The following RIBC2 variants were observed in gnomAD, a reference collection of about 807,000 sequenced individuals.
The protein encoded by RIBC2 is RIB43A domain with coiled-coils 2, also known as RIB43A-like with coiled-coils protein 2.
Under a neutral mutation model 44.3 loss-of-function variants are expected in RIBC2, and 40 were observed. That is an observed-to-expected ratio of 0.90 (90% CI 0.70 to 1.18). The LOEUF is 1.18. Ranked by LOEUF, RIBC2 falls within the 50% of genes most tolerant of loss-of-function variation. The pLI is 0.00. For synonymous variants in RIBC2, 171 were observed against 175.0 expected (o/e 0.98, Z 0.18); for missense variants, 459 against 485.5 (o/e 0.95, Z 0.51).
At chr22:45,426,224 C>G (rs1229408706) in intron 5 of RIBC2, 49 bp downstream of exon 5, 1 of 1,482,158 alleles carries the variant, frequency 6.7e-7, no homozygotes, top group African/African-American at 1.4e-5. Flanking sequence ...AGGCTCTTTG[C>G]TCCCACTGCC....
chr22:45,430,758 C>T, intron 5 of RIBC2, 142 bp from the exon 6 acceptor site: 2 of 1,068,154 alleles, frequency 1.9e-6, no homozygotes, highest in Middle Eastern at 3.2e-4. Flanking sequence ...TGGCTTCCTG[C>T]ATGACATCGG....
chr22:45,413,978 A>C lies in RIBC2; in HGVS notation c.92A>C (p.Gln31Pro). The C allele has an allele frequency of 1.9e-6, 3 of 1,551,772 alleles. No individual in the cohort carries two copies. The highest frequency in any genetic ancestry group is 2.6e-6 in the Non-Finnish European group (3 of 1,146,994). ...AKRRHAELCR[Q>P]KRVFNARNRI... ...AGGAGGCACGCGGAGCTGTGCAGGC[A>C]GAAGCGGGTCTTCAACGCCAGAAAC... is the stretch of plus-strand genomic sequence containing the variant. The change falls in exon 1 of 7, where the codon CAG becomes CCG. Residue 31 changes from glutamine (Q) to proline (P), a missense_variant. Transcript: ENST00000614167.
intron 5 of RIBC2, among the ~76,000 whole-genome samples, chr22:45,426,665 C>G (rs2087537347): frequency 6.6e-6 from 1 of 152,120 alleles, no homozygotes; most frequent in African/African-American, 2.4e-5. Context: ...GGGAACTCTG[C>G]AGGGTTTTGG....
intron 5 of RIBC2, among the ~76,000 whole-genome samples, chr22:45,429,880 G>T (rs370553220): frequency 6.6e-6 from 1 of 152,184 alleles, no homozygotes; most frequent in Non-Finnish European, 1.5e-5. Flanking sequence ...ACTACTGCCC[G>T]CTTCCTTTCT....
intron 4 of RIBC2, 73 bp downstream of exon 4, chr22:45,422,481 T>A: frequency 9.2e-7 from 1 of 1,089,988 alleles, no homozygotes; most frequent in South Asian, 1.3e-5. Context: ...CCCAAGGCTC[T>A]CCGGCTTCCC....
chr22:45,425,867 C>T, intron 4 of RIBC2, 81 bp from the exon 5 acceptor site: 1 of 1,214,652 alleles, frequency 8.2e-7, no homozygotes, highest in Non-Finnish European at 1.2e-6. Flanking sequence ...TCGAGGGCCC[C>T]CAGTGAGATT....
At position 45,431,000 on chromosome 22, in the gene RIBC2, G is replaced by A. The variant is rs2072770; in HGVS notation, c.1004G>A (p.Arg335Gln). ...CTGTTTGAGCGGCAGCAGTGGCGGC[G>A]GCAGCGCGACCTGCGCAGAGCTCTG... is the stretch of plus-strand genomic sequence containing the variant. ...TLLFERQQWR[R>Q]QRDLRRALDS... The change falls in exon 6 of 7, where the codon CGG (arginine) becomes CAG (glutamine). Residue 335 changes from arginine to glutamine, a missense_variant. By Grantham distance (43) the Arg-to-Gln change is conservative. Transcript: ENST00000614167. The A allele has an allele frequency of 0.52, 828,594 of 1,594,652 alleles. 224,322 individuals are homozygous for A. The highest frequency in any genetic ancestry group is 0.89 in the African/African-American group (66,212 of 74,338).
chr22:45,415,621 AT>A (rs2087417520), intron 2 of RIBC2, among the ~76,000 whole-genome samples: 1 of 136,528 alleles, frequency 7.3e-6, no homozygotes. Context: ...ATATATATAT[AT>A]ATAACAACAC....
chr22:45,414,335 C>T lies in RIBC2; in HGVS notation c.143C>T (p.Ala48Val), dbSNP rs1334951078. ...RNRIIGGDTE[A>V]WDVQVHDQKI... Reference sequence around the variant, plus strand: ...TTCCATTTATAGGGAGACACTGAAGCCTGGGATGTTCAAGTTCATGACCAG... The same window carrying T: ...TTCCATTTATAGGGAGACACTGAAGTCTGGGATGTTCAAGTTCATGACCAG... The change falls in exon 2 of 7, where the codon GCC (alanine) becomes GTC (valine). Residue 48 changes from alanine to valine, a missense_variant. Coordinates refer to ENST00000614167, the MANE Select transcript of RIBC2 (RefSeq NM_015653.5). 1 of 1,550,926 alleles carries T rather than the reference C, an allele frequency of 6.4e-7. No individual in the cohort carries two copies. The highest frequency in any genetic ancestry group is 2.4e-5 in the East Asian group (1 of 40,910).
intron 6 of RIBC2, among the ~76,000 whole-genome samples, chr22:45,431,613 A>G (rs2087581304): frequency 6.6e-6 from 1 of 152,094 alleles, no homozygotes; most frequent in Non-Finnish European, 1.5e-5. Flanking sequence ...CTCCAATCCG[A>G]TATCTGGTTG....
chr22:45,415,359 T>C (rs1171120896), intron 2 of RIBC2, among the ~76,000 whole-genome samples: 1 of 152,058 alleles, frequency 6.6e-6, no homozygotes, highest in Non-Finnish European at 1.5e-5. Flanking sequence ...TATGCCAAAA[T>C]GTTAGCAGGG....
intron 6 of RIBC2, among the ~76,000 whole-genome samples, chr22:45,431,987 G>T (rs1387122984): frequency 2.0e-5 from 3 of 152,048 alleles, no homozygotes; most frequent in South Asian, 2.1e-4. Context: ...AACAAGAAAA[G>T]AATGATCTGA....
chr22:45,431,692 GGGCTCGGT>G, intron 6 of RIBC2, among the ~76,000 whole-genome samples: 1 of 152,240 alleles, frequency 6.6e-6, no homozygotes, highest in Non-Finnish European at 1.5e-5. Flanking sequence ...TCTGAGGGCT[GGGCTCGGT>G]GGCTCACGCC....
At chr22:45,415,199 G>GAAA (rs10587079) in intron 2 of RIBC2, among the ~76,000 whole-genome samples, 1 of 126,816 alleles carries the variant, frequency 7.9e-6, no homozygotes, top group Non-Finnish European at 1.7e-5. Context: ...AAAATAAATT[G>GAAA]AAAAAAAAAA....
At chr22:45,417,153 G>T (rs1270853877) in intron 2 of RIBC2, among the ~76,000 whole-genome samples, 2 of 151,960 alleles carry the variant, frequency 1.3e-5, no homozygotes, top group African/African-American at 4.8e-5. Flanking sequence ...CGCCCACCTC[G>T]GGCTCCCAAA....
At position 45,430,750 on chromosome 22, in the gene RIBC2, G is replaced by A. The variant is rs941552935; in HGVS notation, c.904-150G>A. On this transcript the variant is annotated intron_variant, in intron 5 of 6. Transcript: ENST00000614167. The stretch of plus-strand genomic sequence containing the variant: ...GAGGGCAGGCTGGGGGTCTCCTCTG[G>A]CTTCCTGCATGACATCGGTCACCTA... 4.0e-6 allele frequency: 4 copies of A among 1,009,994 alleles called. No homozygotes were observed. The African/African-American group carries it at 6.7e-5, about 17-fold the overall frequency. The allele number at this position is 1,009,994 out of a possible 1,614,324, so 62.6% of individuals were successfully genotyped here.
At position 45,432,428 on chromosome 22, in the gene RIBC2, CT is replaced by C; in HGVS notation, c.*72del. The C allele has an allele frequency of 9.0e-7, 1 of 1,115,256 alleles. No individual in the cohort carries two copies. Among genetic ancestry groups the C allele is most frequent in the Admixed American group, 2.1e-5 (1 of 48,712 alleles). The allele number at this position is 1,115,256 out of a possible 1,614,324, so 69.1% of individuals were successfully genotyped here. A position where few individuals can be genotyped will look rare whatever the true frequency, so the allele number is the denominator to read the frequency against. On this transcript the variant is annotated 3_prime_UTR_variant, in exon 7 of 7. Coordinates refer to ENST00000614167, the MANE Select transcript of RIBC2 (RefSeq NM_015653.5). ...GTGGCTACCTTAAAGAGTCACGTTT[CT>C]TTTTTAAAGATACACTCCTTGGGCC...
At chr22:45,425,047 G>A (rs889903654) in intron 4 of RIBC2, among the ~76,000 whole-genome samples, 2 of 152,032 alleles carry the variant, frequency 1.3e-5, no homozygotes, top group Admixed American at 1.3e-4. Flanking sequence ...CTTGAACCTG[G>A]GAGGCAGAGG....
At chr22:45,415,080 T>G (rs2146871262) in intron 2 of RIBC2, among the ~76,000 whole-genome samples, 1 of 152,130 alleles carries the variant, frequency 6.6e-6, no homozygotes, top group Non-Finnish European at 1.5e-5. Flanking sequence ...GTCCAACAAT[T>G]TCAACAATTG....
Sources: gnomAD v4.1 joint callset for allele counts (sites outside exome capture counted in the v4.1 genomes callset) on GRCh38, gnomAD v4.1.1 for gene constraint, MANE v1.5 for transcripts, NCBI Gene and HGNC (gene_info 2026-07-23, HGNC 2026-07-21) for gene names.